The following CPM variants were observed in gnomAD, a reference collection of about 807,000 sequenced individuals.
CPM encodes renal carboxypeptidase.
Under a neutral mutation model 46.4 loss-of-function variants are expected in CPM, and 35 were observed. That is an observed-to-expected ratio of 0.75 (90% CI 0.58 to 1.00). The LOEUF is 1.00. Among genes scored for constraint, CPM ranks in the 50% least tolerant of loss-of-function variants. CPM has a pLI of 0.00. For synonymous variants in CPM, 195 were observed against 195.3 expected, an observed-to-expected ratio of 1.00 and a Z score of 0.01; for missense variants, 422 against 530.4, an observed-to-expected ratio of 0.80 and a Z score of 2.01.
chr12:68,951,828 T>C (rs1888939966), intron 1 of CPM, among the ~76,000 whole-genome samples: 1 of 152,132 alleles, frequency 6.6e-6, no homozygotes. Flanking sequence ...TATAAGGCTA[T>C]TTTAGGGCAG....
At chr12:68,876,913 TGTGTGTGA>T (rs748643532) in intron 3 of CPM, among the ~76,000 whole-genome samples, 62 of 128,002 alleles carry the variant, frequency 4.8e-4, no homozygotes, top group East Asian at 9.4e-4. Context: ...TGTGTGTGTG[TGTGTGTGA>T]GAGAGAGAGA....
chr12:68,909,899 T>G (rs574394903), intron 2 of CPM, among the ~76,000 whole-genome samples: 9 of 151,744 alleles, frequency 5.9e-5, no homozygotes, highest in Non-Finnish European at 2.9e-5. Context: ...GACGGGTTGA[T>G]GGGTGCAGCA....
chr12:68,883,021 A>C (rs1565779187), intron 3 of CPM, among the ~76,000 whole-genome samples: 1 of 151,842 alleles, frequency 6.6e-6, no homozygotes, highest in Non-Finnish European at 1.5e-5. Context: ...CACACACACA[A>C]ACACACACAC....
At chr12:68,945,307 C>T (rs1271055712) in intron 1 of CPM, among the ~76,000 whole-genome samples, 1 of 152,096 alleles carries the variant, frequency 6.6e-6, no homozygotes, top group Non-Finnish European at 1.5e-5. Context: ...GCTCTTTGTG[C>T]CCCCAGGAAT....
At chr12:68,944,354 T>A (rs948043019) in intron 1 of CPM, among the ~76,000 whole-genome samples, 1 of 152,224 alleles carries the variant, frequency 6.6e-6, no homozygotes, top group Non-Finnish European at 1.5e-5. Flanking sequence ...TTTTGATGCC[T>A]ATTACAGAAA....
chr12:68,946,679 A>C (rs945364708), intron 1 of CPM, among the ~76,000 whole-genome samples: 1 of 152,238 alleles, frequency 6.6e-6, no homozygotes, highest in African/African-American at 2.4e-5. Context: ...TTCCAGTCAA[A>C]GCCTTGGTAA....
chr12:68,909,205 G>A (rs917674076), intron 2 of CPM, among the ~76,000 whole-genome samples: 1 of 152,114 alleles, frequency 6.6e-6, no homozygotes, highest in African/African-American at 2.4e-5. Context: ...ATCATGCCTG[G>A]CTAGTTTTTA....
intron 2 of CPM, among the ~76,000 whole-genome samples, chr12:68,922,544 T>C (rs1055814097): frequency 6.6e-6 from 1 of 152,166 alleles, no homozygotes; most frequent in African/African-American, 2.4e-5. Flanking sequence ...TCAAGGTAGT[T>C]ATCTTCAACT....
intron 2 of CPM, among the ~76,000 whole-genome samples, chr12:68,906,814 C>T (rs2136285807): frequency 2.0e-5 from 3 of 152,360 alleles, no homozygotes. Flanking sequence ...ACAGCAGCCT[C>T]AAAGCACCCT....
intron 7 of CPM, among the ~76,000 whole-genome samples, chr12:68,859,755 G>A (rs1009731734): frequency 9.9e-5 from 15 of 152,150 alleles, no homozygotes; most frequent in African/African-American, 2.2e-4. Context: ...CACAGCCAAC[G>A]AAGTGGCCCA....
At chr12:68,896,037 G>A (rs892249726) in intron 2 of CPM, among the ~76,000 whole-genome samples, 3 of 152,172 alleles carry the variant, frequency 2.0e-5, no homozygotes, top group Non-Finnish European at 4.4e-5. Flanking sequence ...CTTGGGATCT[G>A]TCTTCTTCCT....
At position 68,855,493 on chromosome 12, in the gene CPM, G is replaced by A. The variant is rs968545841; in HGVS notation, c.*944C>T. The A allele has an allele frequency of 6.6e-6, 1 of 152,050 alleles. No homozygotes were observed. The highest frequency in any genetic ancestry group is 2.4e-5 in the African/African-American group (1 of 41,374). 9.4% of individuals were successfully genotyped at this position (152,050 alleles called of 1,614,324 possible). ...TAGGGAAACGGCTCTGGAGAGAGAG[G>A]GGCTTTCTTAATTGACCTGTATGCT... On this transcript the variant is annotated 3_prime_UTR_variant, in exon 9 of 9. Transcript: ENST00000551568.
rs1884678978 is a variant in CPM, at chr12:68,851,512, G to GAGAC, written c.*4921_*4924dup. The GAGAC allele has an allele frequency of 6.6e-6, 1 of 151,906 alleles. No individual in the cohort carries two copies. The highest frequency in any genetic ancestry group is 2.4e-5 in the African/African-American group (1 of 41,254). 9.4% of individuals were successfully genotyped at this position (151,906 alleles called of 1,614,324 possible). A position where few individuals can be genotyped will look rare whatever the true frequency, so the allele number is the denominator to read the frequency against. ...GGTAGTCCCAGGTACTCGGGAGGCT[G>GAGAC]AGACAGGAGAATTGCTTGAACCCGG... On this transcript the variant is annotated 3_prime_UTR_variant, in exon 9 of 9. Transcript: ENST00000551568.
chr12:68,920,194 G>T (rs760459436), intron 2 of CPM, among the ~76,000 whole-genome samples: 49 of 152,326 alleles, frequency 3.2e-4, no homozygotes, highest in Non-Finnish European at 5.7e-4. Context: ...GGCCACGCTT[G>T]TGCAGCCTGC....
At chr12:68,863,340 T>C (rs1484053162) in intron 7 of CPM, among the ~76,000 whole-genome samples, 2 of 152,172 alleles carry the variant, frequency 1.3e-5, no homozygotes, top group South Asian at 4.1e-4. Context: ...GTCTGGCTCA[T>C]CTTTGCTTCT....
rs1340820971 is a variant in CPM, at chr12:68,867,060, C to G, written c.788-12G>C. On this transcript the variant is annotated splice_polypyrimidine_tract_variant and intron_variant, in intron 6 of 8. Coordinates refer to ENST00000551568, the MANE Select transcript of CPM (RefSeq NM_198320.5). ...ATCTTGCATTCCACCTAAACACAAG[C>G]ATATTTAATTTTTGTTAGGGTCTAA... The G allele has an allele frequency of 6.2e-7, 1 of 1,613,250 alleles. No individual in the cohort carries two copies. Among genetic ancestry groups the G allele is most frequent in the East Asian group, 2.2e-5 (1 of 44,862 alleles).
downstream of CPM, chr12:68,850,096 GCAACA>G (rs1190946101): frequency 6.6e-6 from 1 of 151,994 alleles, no homozygotes; most frequent in Non-Finnish European, 1.5e-5. Flanking sequence ...ACCAACCTGG[GCAACA>G]TGGTGCAACC....
At chr12:68,927,060 G>C (rs987034255) in intron 2 of CPM, among the ~76,000 whole-genome samples, 5 of 152,032 alleles carry the variant, frequency 3.3e-5, no homozygotes, top group Admixed American at 2.6e-4. Context: ...ATGATTTATA[G>C]TCCTTTGGGT....
At chr12:68,959,880 C>A (rs1321420201) in intron 1 of CPM, among the ~76,000 whole-genome samples, 3 of 152,152 alleles carry the variant, frequency 2.0e-5, no homozygotes, top group Non-Finnish European at 4.4e-5. Flanking sequence ...GGCGTCTCTC[C>A]CAAAATCAGT....
Sources: allele counts gnomAD v4.1 joint callset (sites outside exome capture counted in the v4.1 genomes callset), GRCh38; gene constraint gnomAD v4.1.1; transcripts MANE v1.5; gene names NCBI Gene and HGNC (gene_info 2026-07-23, HGNC 2026-07-21).